Variants in FAM168B observed in about 807,000 individuals in gnomAD.
FAM168B encodes the protein family with sequence similarity 168 member B, also known as myelin-associated neurite-outgrowth inhibitor.
Under a neutral mutation model 21.8 loss-of-function variants are expected in FAM168B, and 19 were observed. The observed-to-expected ratio is 0.87, with a 90% CI of 0.61 to 1.28. The LOEUF (loss-of-function observed/expected upper bound fraction) is 1.28, where lower values mean the gene tolerates loss of function less well. Among genes scored for constraint, FAM168B ranks in the 50% most tolerant of loss-of-function variants. FAM168B has a pLI of 0.00. For synonymous variants in FAM168B, 126 were observed against 104.8 expected (o/e 1.20, Z -1.24); for missense variants, 233 against 263.1 (o/e 0.89, Z 0.79).
intron 3 of FAM168B, among the ~76,000 whole-genome samples, chr2:131,068,452 T>C (rs1692687872): frequency 1.3e-5 from 2 of 152,158 alleles, no homozygotes; most frequent in Non-Finnish European, 2.9e-5. Context: ...AAAACCACCG[T>C]GCCCGGCTGC....
At chr2:131,074,581 A>C (rs1279925228) in intron 2 of FAM168B, among the ~76,000 whole-genome samples, 1 of 152,198 alleles carries the variant, frequency 6.6e-6, no homozygotes, top group Non-Finnish European at 1.5e-5. Context: ...AGCAGTCTTC[A>C]AAAGAAACTG....
rs1691727895 is a variant in FAM168B, at chr2:131,052,319, T to C, written c.*146A>G. On this transcript the variant is annotated 3_prime_UTR_variant, in exon 7 of 7. Transcript: ENST00000389915. ...GCTGGAGACTAACGGCGCTGGGGCC[T>C]GCTGGGCCGGGATATAGTCGTGTTT... 8.1e-6 allele frequency: 8 copies of C among 985,952 alleles called. No individual in the cohort carries two copies. The highest frequency in any genetic ancestry group is 4.8e-6 in the Non-Finnish European group (4 of 830,076). 61.1% of individuals were successfully genotyped at this position (985,952 alleles called of 1,614,324 possible).
At chr2:131,084,826 G>C (rs938020618) in intron 1 of FAM168B, among the ~76,000 whole-genome samples, 5 of 151,934 alleles carry the variant, frequency 3.3e-5, no homozygotes, top group African/African-American at 7.3e-5. Flanking sequence ...AAGCTTAAGT[G>C]ATCTTCCCAC....
In FAM168B at chr2:131,060,704, A is replaced by G. The variant is rs1017011219; in HGVS notation, c.155-5009T>C. ...ACTCAAGTCCATTGGACAAGACACA[A>G]AGGATTCTGAATTGATTCCACAAGA... On this transcript the variant is annotated intron_variant, in intron 3 of 6. Transcript: ENST00000389915. Among the ~76,000 whole-genome samples, 18 of 152,298 alleles carry G rather than the reference A, an allele frequency of 1.2e-4. 1 individual carries two copies. The South Asian group carries it at 3.7e-3, about 32-fold the overall frequency.
chr2:131,071,323 C>T (rs1692860732), intron 3 of FAM168B, among the ~76,000 whole-genome samples: 1 of 152,180 alleles, frequency 6.6e-6, no homozygotes, highest in Non-Finnish European at 1.5e-5. Flanking sequence ...AAGGAACCAA[C>T]ACCAGAGAGT....
In FAM168B at chr2:131,049,445, A is replaced by T; in HGVS notation, c.*3020T>A. On this transcript the variant is annotated 3_prime_UTR_variant, in exon 7 of 7. Transcript: ENST00000389915. ...TTAACAGATGGCTCACGAGAGACAT[A>T]AAAGGTTCTGGAAGTGCCTTCAGGC... 5 of 985,438 alleles carry T rather than the reference A, an allele frequency of 5.1e-6. No individual in the cohort carries two copies. Among genetic ancestry groups the T allele is most frequent in the Non-Finnish European group, 6.0e-6 (5 of 829,948 alleles). 61.0% of individuals were successfully genotyped at this position (985,438 alleles called of 1,614,324 possible). A position where few individuals can be genotyped will look rare whatever the true frequency, so the allele number is the denominator to read the frequency against.
intron 3 of FAM168B, among the ~76,000 whole-genome samples, chr2:131,057,835 TA>T (rs964329709): frequency 3.3e-4 from 51 of 152,294 alleles, no homozygotes; most frequent in African/African-American, 1.2e-3. Context: ...ATTTTTTTTT[TA>T]TTTTTATTTT....
At chr2:131,077,086 G>T (rs1388467615) in intron 2 of FAM168B, among the ~76,000 whole-genome samples, 2 of 151,900 alleles carry the variant, frequency 1.3e-5, no homozygotes, top group South Asian at 4.2e-4. Flanking sequence ...CACAAACATA[G>T]GGCTGTTCAC....
Position 131,052,424 on chromosome 2 carries a change from A to T in FAM168B, c.*41T>A. 1 of 989,728 alleles carries T rather than the reference A, an allele frequency of 1.0e-6. No individual in the cohort carries two copies. Among genetic ancestry groups the T allele is most frequent in the African/African-American group, 1.7e-5 (1 of 57,380 alleles). 61.3% of individuals were successfully genotyped at this position (989,728 alleles called of 1,614,324 possible). On this transcript the variant is annotated 3_prime_UTR_variant, in exon 7 of 7. Coordinates refer to ENST00000389915, the MANE Select transcript of FAM168B (RefSeq NM_001009993.4). Reference sequence around the variant, plus strand: ...CAGCACCAGCTGTGGAATCCCCAATAATGTGACTGCACAGCTCCGTCCTCA... The same window carrying T: ...CAGCACCAGCTGTGGAATCCCCAATTATGTGACTGCACAGCTCCGTCCTCA...
rs1270288187 is a variant in FAM168B, at chr2:131,048,740, C to A, written c.*3725G>T. The A allele has an allele frequency of 2.0e-6, 2 of 987,062 alleles. No individual in the cohort carries two copies. Among genetic ancestry groups the A allele is most frequent in the Non-Finnish European group, 2.4e-6 (2 of 830,882 alleles). The allele number at this position is 987,062 out of a possible 1,614,324, so 61.1% of individuals were successfully genotyped here. A position where few individuals can be genotyped will look rare whatever the true frequency, so the allele number is the denominator to read the frequency against. ...GCAGAGGTACTAGAGGGGAGAAATA[C>A]GTGCTCTGCCTTCCCCCAGGCCAAC... On this transcript the variant is annotated 3_prime_UTR_variant, in exon 7 of 7. Coordinates refer to ENST00000389915, the MANE Select transcript of FAM168B (RefSeq NM_001009993.4).
intron 1 of FAM168B, among the ~76,000 whole-genome samples, chr2:131,091,378 G>A (rs964304033): frequency 1.3e-5 from 2 of 151,378 alleles, no homozygotes; most frequent in East Asian, 2.0e-4. Context: ...CATATAGGCC[G>A]AGCGCGGTGG....
At chr2:131,083,347 C>T (rs758780673) in intron 1 of FAM168B, among the ~76,000 whole-genome samples, 1 of 151,946 alleles carries the variant, frequency 6.6e-6, no homozygotes, top group East Asian at 1.9e-4. Context: ...AGCGAGACTC[C>T]GTCTCAAAAA....
intron 3 of FAM168B, among the ~76,000 whole-genome samples, chr2:131,063,410 ATTACACCAT>A (rs1349511809): frequency 1.3e-5 from 2 of 152,220 alleles, no homozygotes; most frequent in Non-Finnish European, 2.9e-5. Flanking sequence ...AGGCATGAAT[ATTACACCAT>A]TTTCTAGCCA....
intron 1 of FAM168B, among the ~76,000 whole-genome samples, chr2:131,088,107 G>A (rs1035765548): frequency 2.0e-5 from 3 of 152,072 alleles, no homozygotes; most frequent in Non-Finnish European, 2.9e-5. Context: ...TTAGCTGGGC[G>A]TGGTGGCACA....
intron 2 of FAM168B, among the ~76,000 whole-genome samples, chr2:131,076,652 TAA>T (rs76726482): frequency 1.2e-3 from 112 of 96,272 alleles, no homozygotes; most frequent in African/African-American, 2.9e-3. Flanking sequence ...GACTCCGTCT[TAA>T]AAAAAAAAAA....
At chr2:131,092,917 T>G (rs1694107730) in intron 1 of FAM168B, among the ~76,000 whole-genome samples, 2 of 152,138 alleles carry the variant, frequency 1.3e-5, no homozygotes, top group South Asian at 4.1e-4. Flanking sequence ...CACGCTCGCA[T>G]TCCTGACGGC....
rs114119516 is a variant in FAM168B, at chr2:131,083,539, G to A, written c.-11-882C>T. ...CTGGACAACAGAGCGAGACTTTGTC[G>A]CAAAAAAAACATGGGGAAAACCCTA... On this transcript the variant is annotated intron_variant, in intron 1 of 6. Coordinates refer to ENST00000389915, the MANE Select transcript of FAM168B (RefSeq NM_001009993.4). 2.7e-3 allele frequency among the ~76,000 whole-genome samples: 415 copies of A among 152,094 alleles called. 1 individual carries two copies. The highest frequency in any genetic ancestry group is 8.8e-3 in the African/African-American group (366 of 41,502).
intron 3 of FAM168B, among the ~76,000 whole-genome samples, chr2:131,063,998 C>A (rs1167164730): frequency 6.6e-6 from 1 of 152,066 alleles, no homozygotes; most frequent in Non-Finnish European, 1.5e-5. Flanking sequence ...CCTGAAATAT[C>A]AAATTCATTC....
chr2:131,071,796 A>C (rs1443732082), intron 3 of FAM168B, 59 bp downstream of exon 3: 2 of 1,468,702 alleles, frequency 1.4e-6, no homozygotes, highest in South Asian at 1.1e-5. Context: ...CTCAAAATCC[A>C]CCCCTTCACC....
Sources: allele counts gnomAD v4.1 joint callset (sites outside exome capture counted in the v4.1 genomes callset), GRCh38; gene constraint gnomAD v4.1.1; transcripts MANE v1.5; gene names NCBI Gene and HGNC (gene_info 2026-07-23, HGNC 2026-07-21).